Variants in ZFC3H1 observed in about 807,000 individuals in gnomAD.
The protein encoded by ZFC3H1 is zinc finger C3H1-type containing, also known as zinc finger C3H1 domain-containing protein.
A neutral mutation model predicts 243.7 loss-of-function variants in ZFC3H1; 71 were observed. The ratio of observed to expected loss-of-function variants is 0.29; its 90% CI spans 0.24 to 0.36. The LOEUF (loss-of-function observed/expected upper bound fraction) is 0.36. Ranked by LOEUF, ZFC3H1 falls within the 10% of genes least tolerant of loss-of-function variation. ZFC3H1 has a pLI of 1.00. For synonymous variants in ZFC3H1, 838 were observed against 813.0 expected (o/e 1.03, Z -0.52); for missense variants, 1,966 against 2,317.1 (o/e 0.85, Z 3.11).
chr12:71,656,127 G>A (rs988753049), intron 2 of ZFC3H1, among the ~76,000 whole-genome samples: 2 of 152,114 alleles, frequency 1.3e-5, no homozygotes, highest in Non-Finnish European at 2.9e-5. Context: ...AAGGGCTGAG[G>A]GACGGGATAA....
At chr12:71,647,591 G>A (rs551841879) in intron 3 of ZFC3H1, among the ~76,000 whole-genome samples, 158 bp downstream of exon 3, 71 of 152,208 alleles carry the variant, frequency 4.7e-4, no homozygotes, top group African/African-American at 1.7e-3. Context: ...GCAAGATGTC[G>A]ATCCAGAATT....
chr12:71,636,988 T>A lies in ZFC3H1; in HGVS notation c.1797A>T (p.Pro599=). 6.2e-7 allele frequency: 1 copy of A among 1,613,984 alleles called. No homozygotes were observed. The highest frequency in any genetic ancestry group is 1.1e-5 in the South Asian group (1 of 91,072). ...CVSLEPLPPL[P]PLPPLPPEDP... is the part of the protein sequence containing the mutation. ...CTTCAGGTGGGAGAGGTGGTAATGG[T>A]GGTAGAGGAGGTAGAGGTTCAAGAG... Residue 599 remains proline, a synonymous_variant, in exon 8 of 35, where the codon CCA becomes CCT. Coordinates refer to ENST00000378743, the MANE Select transcript of ZFC3H1 (RefSeq NM_144982.5).
chr12:71,613,213 G>C, intron 31 of ZFC3H1, 122 bp downstream of exon 31: 4 of 614,308 alleles, frequency 6.5e-6, no homozygotes, highest in Non-Finnish European at 1.0e-5. Flanking sequence ...AAATTAAGCA[G>C]TATATATTCA....
intron 14 of ZFC3H1, 88 bp from the exon 15 acceptor site, chr12:71,632,602 C>A (rs1880351646): frequency 1.4e-6 from 2 of 1,409,258 alleles, no homozygotes; most frequent in South Asian, 1.5e-5. Context: ...CCCCACCATA[C>A]AATGCCAACA....
intron 10 of ZFC3H1, 22 bp from the exon 11 acceptor site, chr12:71,634,847 A>G: frequency 6.3e-7 from 1 of 1,577,124 alleles, no homozygotes. Flanking sequence ...AAAACATTTG[A>G]AGTCAACTAG....
At position 71,623,517 on chromosome 12, in the gene ZFC3H1, G is replaced by A. The variant is rs1880083810; in HGVS notation, c.4587C>T (p.Tyr1529=). Residue 1529 remains tyrosine, a synonymous_variant, in exon 24 of 35, where the codon TAC becomes TAT. Transcript: ENST00000378743. ...GAATGTTGAATTCAATAAGATGTAT[G>A]TAGGCCAACCATGCCAAACATCGAT... The part of the protein sequence containing the change: ...TSDRCLAWLA[Y]IHLIEFNILP... 3 of 1,613,674 alleles carry A rather than the reference G, an allele frequency of 1.9e-6. No individual in the cohort carries two copies. The African/African-American group carries it at 4.0e-5, about 22-fold the overall frequency.
chr12:71,654,300 GCATGGTAGTA>G (rs1305861031), intron 2 of ZFC3H1, among the ~76,000 whole-genome samples: 2 of 151,976 alleles, frequency 1.3e-5, no homozygotes, highest in African/African-American at 4.8e-5. Flanking sequence ...ACATAGCCGG[GCATGGTAGTA>G]CATGCCTGTG....
intron 2 of ZFC3H1, among the ~76,000 whole-genome samples, chr12:71,649,843 C>T (rs1880834164): frequency 6.6e-6 from 1 of 152,164 alleles, no homozygotes; most frequent in Admixed American, 6.5e-5. Context: ...AGCATAGAGG[C>T]AAGTATCTAT....
intron 30 of ZFC3H1, 168 bp from the exon 31 acceptor site, chr12:71,613,603 T>C (rs1251919902): frequency 1.8e-5 from 9 of 494,790 alleles, no homozygotes; most frequent in Non-Finnish European, 3.2e-5. Flanking sequence ...TATTAGTGAC[T>C]TTCCAAATAT....
intron 3 of ZFC3H1, among the ~76,000 whole-genome samples, chr12:71,647,015 G>C (rs1377889559): frequency 6.6e-6 from 1 of 152,022 alleles, no homozygotes; most frequent in Non-Finnish European, 1.5e-5. Context: ...TGATTCATAG[G>C]GTTATTGTGA....
At chr12:71,636,750 T>G in intron 8 of ZFC3H1, 96 bp from the exon 9 acceptor site, 1 of 1,555,594 alleles carries the variant, frequency 6.4e-7, no homozygotes, top group South Asian at 1.2e-5. Context: ...ATCCCCACTT[T>G]GCTGAAAAGC....
intron 22 of ZFC3H1, 147 bp from the exon 23 acceptor site, chr12:71,624,439 T>G (rs1480911944): frequency 1.9e-5 from 16 of 828,624 alleles, no homozygotes; most frequent in Non-Finnish European, 2.9e-5. Flanking sequence ...AACTCCATCT[T>G]CTAGTACTAC....
At chr12:71,634,126 A>C (rs374679628) in intron 12 of ZFC3H1, 29 bp downstream of exon 12, 10 of 1,596,010 alleles carry the variant, frequency 6.3e-6, no homozygotes, top group Admixed American at 3.5e-5. Flanking sequence ...CACAGGAACA[A>C]TTAGATATGT....
rs565817918 is a variant in ZFC3H1, at chr12:71,642,738, A to G, written c.1504-179T>C. 3.9e-5 allele frequency among the ~76,000 whole-genome samples: 6 copies of G among 152,334 alleles called. No homozygotes were observed. The South Asian group carries it at 1.0e-3, about 26-fold the overall frequency. ...TGATAGGTACACTGGTTGACATTTT[A>G]TAACTGTATAATCAGATAGAAAATG... On this transcript the variant is annotated intron_variant, in intron 5 of 34. Transcript: ENST00000378743.
intron 2 of ZFC3H1, chr12:71,656,594 T>G: frequency 1.6e-6 from 1 of 628,438 alleles, no homozygotes; most frequent in East Asian, 2.8e-5. Context: ...TATTTAATGG[T>G]AAATGTCAAA....
chr12:71,613,496 T>C, intron 30 of ZFC3H1, 61 bp from the exon 31 acceptor site: 2 of 1,274,340 alleles, frequency 1.6e-6, no homozygotes, highest in South Asian at 1.4e-5. Context: ...CAATTACCTA[T>C]GTGTTTTAAC....
intron 27 of ZFC3H1, among the ~76,000 whole-genome samples, chr12:71,615,528 T>G (rs908324785): frequency 6.6e-6 from 1 of 152,202 alleles, no homozygotes; most frequent in African/African-American, 2.4e-5. Context: ...TTTGTTTGTT[T>G]GTTTTTGAGA....
chr12:71,620,267 A>G lies in ZFC3H1; in HGVS notation c.4793T>C (p.Ile1598Thr). 2 of 1,614,186 alleles carry G rather than the reference A, an allele frequency of 1.2e-6. No individual in the cohort carries two copies. Among genetic ancestry groups the G allele is most frequent in the Non-Finnish European group, 1.7e-6 (2 of 1,180,032 alleles). The stretch of plus-strand genomic sequence containing the variant: ...TGTGTAAAGTGGAAGGCAGGCCTCT[A>G]TTCTTTCCTCAACAGCAAGGCTCTC... ...TDESLAVEER[I>T]EACLPLYTNM... The change falls in exon 25 of 35, where the codon ATA becomes ACA. Residue 1598 changes from isoleucine (I) to threonine (T), a missense_variant. Coordinates refer to ENST00000378743, the MANE Select transcript of ZFC3H1 (RefSeq NM_144982.5).
At chr12:71,643,956 G>C in intron 5 of ZFC3H1, 139 bp downstream of exon 5, 3 of 722,788 alleles carry the variant, frequency 4.2e-6, no homozygotes, top group Non-Finnish European at 6.6e-6. Context: ...TATAAAAGAT[G>C]CTTTCCCAAT....
Sources: allele counts gnomAD v4.1 joint callset (sites outside exome capture counted in the v4.1 genomes callset), GRCh38; gene constraint gnomAD v4.1.1; transcripts MANE v1.5; gene names NCBI Gene and HGNC (gene_info 2026-07-23, HGNC 2026-07-21).